MTARC1: variants seen among roughly 807,000 people sequenced by gnomAD.
The protein encoded by MTARC1 is mitochondrial amidoxime-reducing component 1.
A neutral mutation model predicts 33.6 loss-of-function variants in MTARC1; 24 were observed. The observed-to-expected ratio is 0.72, with a 90% confidence interval of 0.52 to 1.01. The LOEUF (loss-of-function observed/expected upper bound fraction) is 1.01, where lower values mean the gene tolerates loss of function less well. Ranked by LOEUF, MTARC1 falls within the 50% of genes least tolerant of loss-of-function variation. The pLI is 0.00. For missense variants in MTARC1, 417 were observed against 445.7 expected (o/e 0.94, Z 0.58); for synonymous variants, 187 against 189.5 (o/e 0.99, Z 0.11).
rs897686221 is a variant in MTARC1, at chr1:220,813,588, G to C, written c.*170G>C. The C allele has an allele frequency of 1.3e-6, 1 of 774,042 alleles. No individual in the cohort carries two copies. The highest frequency in any genetic ancestry group is 1.8e-5 in the African/African-American group (1 of 56,836). The allele number at this position is 774,042 out of a possible 1,614,324, so 47.9% of individuals were successfully genotyped here. On this transcript the variant is annotated 3_prime_UTR_variant, in exon 7 of 7. Transcript: ENST00000366910. The stretch of plus-strand genomic sequence containing the variant: ...GGTGTCTCAATGCTTCAATGTCCCA[G>C]TGCAAAAAGTAAAGAAATATAGTCT...
At chr1:220,804,920 G>A (rs943483265) in intron 4 of MTARC1, 132 bp from the exon 5 acceptor site, 6 of 958,008 alleles carry the variant, frequency 6.3e-6, no homozygotes, top group Middle Eastern at 2.7e-4. Context: ...GAGCAGGGCT[G>A]GGGGAGAACA....
intron 2 of MTARC1, among the ~76,000 whole-genome samples, chr1:220,792,125 T>C (rs1672443756): frequency 6.6e-6 from 1 of 152,160 alleles, no homozygotes; most frequent in Non-Finnish European, 1.5e-5. Context: ...ACCCGTAAGA[T>C]TTAGTTCTAA....
chr1:220,798,987 G>A (rs2102596652), intron 4 of MTARC1: 1 of 985,280 alleles, frequency 1.0e-6, no homozygotes, highest in Non-Finnish European at 1.2e-6. Flanking sequence ...GTGACGGCTG[G>A]TTTCAGCTTC....
At chr1:220,808,245 A>G (rs1673029385) in intron 6 of MTARC1, among the ~76,000 whole-genome samples, 1 of 152,188 alleles carries the variant, frequency 6.6e-6, no homozygotes, top group Non-Finnish European at 1.5e-5. Flanking sequence ...CTGTGTTTAT[A>G]GAAGGAGGAT....
chr1:220,805,375 C>G, intron 6 of MTARC1, 101 bp downstream of exon 6: 5 of 1,262,260 alleles, frequency 4.0e-6, no homozygotes, highest in Non-Finnish European at 5.8e-6. Context: ...GAAAACACCA[C>G]ACACATAGTC....
chr1:220,795,167 T>C (rs1672569252), intron 2 of MTARC1, among the ~76,000 whole-genome samples: 1 of 152,170 alleles, frequency 6.6e-6, no homozygotes, highest in African/African-American at 2.4e-5. Flanking sequence ...ATAACTTGGT[T>C]GGGGGACCCT....
chr1:220,787,348 G>A (rs1206106374), intron 1 of MTARC1, 129 bp downstream of exon 1: 3 of 1,335,948 alleles, frequency 2.2e-6, no homozygotes, highest in Non-Finnish European at 2.9e-6. Flanking sequence ...GAAACTGGGA[G>A]TTGGGTGAGA....
intron 6 of MTARC1, among the ~76,000 whole-genome samples, chr1:220,806,377 G>A (rs1300611005): frequency 1.3e-5 from 2 of 152,174 alleles, no homozygotes; most frequent in Admixed American, 6.5e-5. Context: ...CTCCCCAGGT[G>A]TATCTTGTAG....
intron 6 of MTARC1, chr1:220,808,949 G>T (rs1177802992): frequency 2.1e-6 from 1 of 470,360 alleles, no homozygotes; most frequent in Non-Finnish European, 4.4e-6. Context: ...CTAATGGAAA[G>T]AATATAGCAC....
chr1:220,815,400 G>C lies in MTARC1; in HGVS notation c.*1982G>C, dbSNP rs61830289. The C allele has an allele frequency of 6.6e-6, 1 of 151,682 alleles. No individual in the cohort carries two copies. The highest frequency in any genetic ancestry group is 2.4e-5 in the African/African-American group (1 of 41,306). 9.4% of individuals were successfully genotyped at this position (151,682 alleles called of 1,614,324 possible). A position where few individuals can be genotyped will look rare whatever the true frequency, so the allele number is the denominator to read the frequency against. ...ACTAACAGCCACTTCTCTGTGCCCC[G>C]TCCGGGCAGTAACCATCATTCTCCA... On this transcript the variant is annotated 3_prime_UTR_variant, in exon 7 of 7. Coordinates refer to ENST00000366910, the MANE Select transcript of MTARC1 (RefSeq NM_022746.4).
At chr1:220,798,733 A>T (rs1672696995) in intron 4 of MTARC1, 1 of 768,530 alleles carries the variant, frequency 1.3e-6, no homozygotes, top group South Asian at 5.8e-5. Flanking sequence ...ACAGCTAGGA[A>T]TTCAGGAGCT....
chr1:220,798,219 G>A, intron 4 of MTARC1: 2 of 1,497,782 alleles, frequency 1.3e-6, no homozygotes, highest in Non-Finnish European at 1.8e-6. Flanking sequence ...GTCAGAGACT[G>A]TCATCAAGGA....
At position 220,796,767 on chromosome 1, in the gene MTARC1, C is replaced by T; in HGVS notation, c.574C>T (p.Pro192Ser). 8 of 1,612,658 alleles carry T rather than the reference C, an allele frequency of 5.0e-6. No individual in the cohort carries two copies. Among genetic ancestry groups the T allele is most frequent in the South Asian group, 2.2e-5 (2 of 90,730 alleles). Residue 192 changes from proline (P) to serine (S), a missense_variant, in exon 3 of 7, where the codon CCT (proline) becomes TCT (serine). Physicochemically the swap from Pro to Ser is moderately conservative, Grantham distance 74. Coordinates refer to ENST00000366910, the MANE Select transcript of MTARC1 (RefSeq NM_022746.4). ...HFEPHMRPRRPHQIADLFRPK... is the reference protein window; with the variant it reads ...HFEPHMRPRRSHQIADLFRPK... ...CGAGCCTCACATGCGACCGAGACGT[C>T]CTCATCAAATAGCAGACTTGTTCCG...
At chr1:220,798,360 T>C in intron 4 of MTARC1, 1 of 1,204,528 alleles carries the variant, frequency 8.3e-7, no homozygotes, top group Non-Finnish European at 1.0e-6. Context: ...TCCTGTCTTG[T>C]TAAAGGATGG....
Position 220,791,993 on chromosome 1 carries a change from C to T in MTARC1, c.449+329C>T, listed in dbSNP as rs57187572. On this transcript the variant is annotated intron_variant, in intron 2 of 6. Transcript: ENST00000366910. ...AAAAATGGGGTGGGAGTGGTGGGGG[C>T]GAGTGTCCTAGCAGAGGTGAAACTC... Among the ~76,000 whole-genome samples, 1,398 of 152,110 alleles carry T rather than the reference C, an allele frequency of 9.2e-3. 10 individuals carry two copies. The highest frequency in any genetic ancestry group is 0.06 in the East Asian group (309 of 5,166).
chr1:220,817,285 G>T lies in MTARC1; in HGVS notation c.*3867G>T. ...GGGTTCTTGGTCTCGCTGACTTCAAGAATGAAGCCACAGACCTTCGCAGTG... is the reference window on the plus strand; with the variant it reads ...GGGTTCTTGGTCTCGCTGACTTCAATAATGAAGCCACAGACCTTCGCAGTG... On this transcript the variant is annotated 3_prime_UTR_variant, in exon 7 of 7. Coordinates refer to ENST00000366910, the MANE Select transcript of MTARC1 (RefSeq NM_022746.4). The T allele has an allele frequency of 6.3e-6, 1 of 159,664 alleles. No individual in the cohort carries two copies. Among genetic ancestry groups the T allele is most frequent in the South Asian group, 2.0e-4 (1 of 5,126 alleles). 9.9% of individuals were successfully genotyped at this position (159,664 alleles called of 1,614,324 possible). A position where few individuals can be genotyped will look rare whatever the true frequency, so the allele number is the denominator to read the frequency against.
intron 1 of MTARC1, among the ~76,000 whole-genome samples, chr1:220,790,706 A>G (rs1672394684): frequency 6.6e-6 from 1 of 152,220 alleles, no homozygotes; most frequent in Admixed American, 6.5e-5. Context: ...TCACTTCTAT[A>G]ATTGTAATCA....
chr1:220,799,225 A>G (rs1222566128), intron 4 of MTARC1: 33 of 961,734 alleles, frequency 3.4e-5, no homozygotes, highest in Non-Finnish European at 4.1e-5. Context: ...CATTGCTCCA[A>G]ACTTCCAAGG....
At chr1:220,802,241 A>C (rs1433225080) in intron 4 of MTARC1, among the ~76,000 whole-genome samples, 1 of 152,058 alleles carries the variant, frequency 6.6e-6, no homozygotes, top group Admixed American at 6.6e-5. Context: ...GTGCTGCACC[A>C]CAGTTCCAAC....
Sources: allele counts gnomAD v4.1 joint callset (sites outside exome capture counted in the v4.1 genomes callset), GRCh38; gene constraint gnomAD v4.1.1; transcripts MANE v1.5; gene names NCBI Gene and HGNC (gene_info 2026-07-23, HGNC 2026-07-21).